The following PDGFC variants were observed in gnomAD, a reference collection of about 807,000 sequenced individuals.
PDGFC encodes platelet derived growth factor C, also known as platelet-derived growth factor C.
Under a neutral mutation model 35.5 loss-of-function variants are expected in PDGFC, and 12 were observed. That is an observed-to-expected ratio of 0.34 (90% CI 0.22 to 0.55). The LOEUF is 0.55. Ranked by LOEUF, PDGFC falls within the 20% of genes least tolerant of loss-of-function variation. The probability of loss-of-function intolerance (pLI) is 0.91; values close to 1 mark genes in which losing one functional copy is unlikely to be tolerated. For synonymous variants in PDGFC, 159 were observed against 148.8 expected, an observed-to-expected ratio of 1.07 and a Z score of -0.50; for missense variants, 322 against 412.4, an observed-to-expected ratio of 0.78 and a Z score of 1.90.
intron 2 of PDGFC, among the ~76,000 whole-genome samples, chr4:156,849,779 G>A (rs991953910): frequency 3.9e-5 from 6 of 152,016 alleles, no homozygotes; most frequent in African/African-American, 9.7e-5. Context: ...ATGTATCCAG[G>A]TAATATGTAC....
At chr4:156,895,488 C>T (rs781622670) in intron 1 of PDGFC, among the ~76,000 whole-genome samples, 3 of 151,612 alleles carry the variant, frequency 2.0e-5, no homozygotes, top group Non-Finnish European at 2.9e-5. Context: ...AAAAATTAGC[C>T]GGGTGTTGTG....
At chr4:156,780,816 C>T (rs1730958103) in intron 3 of PDGFC, among the ~76,000 whole-genome samples, 1 of 152,118 alleles carries the variant, frequency 6.6e-6, no homozygotes, top group Admixed American at 6.5e-5. Flanking sequence ...GCAATGACCC[C>T]CCCACATGGC....
At chr4:156,836,446 G>A (rs1405157154) in intron 2 of PDGFC, among the ~76,000 whole-genome samples, 1 of 152,044 alleles carries the variant, frequency 6.6e-6, no homozygotes, top group Non-Finnish European at 1.5e-5. Flanking sequence ...CTTTCTCCTT[G>A]ATTTCTAAGA....
At position 156,825,581 on chromosome 4, in the gene PDGFC, TAATAATAATAATAAGAAGAAG is replaced by T. The variant is rs1297376910; in HGVS notation, c.315-14585_315-14565del. ...ATAATAATAATAATAATAATAATAA[TAATAATAATAATAAGAAGAAG>T]AAGAAGAAGAAGAAGAAGAAGAAGA... On this transcript the variant is annotated intron_variant, in intron 2 of 5. Coordinates refer to ENST00000502773, the MANE Select transcript of PDGFC (RefSeq NM_016205.3). 3.2e-4 allele frequency among the ~76,000 whole-genome samples: 30 copies of T among 92,608 alleles called. No individual in the cohort carries two copies. The South Asian group carries it at 4.1e-3, about 13-fold the overall frequency. 60.8% of individuals were successfully genotyped at this position (92,608 alleles called of 152,430 possible).
chr4:156,868,284 T>C (rs1454256254), intron 1 of PDGFC, among the ~76,000 whole-genome samples: 1 of 152,210 alleles, frequency 6.6e-6, no homozygotes, highest in Non-Finnish European at 1.5e-5. Context: ...AAACTTCAAA[T>C]GAAATATTTA....
intron 2 of PDGFC, among the ~76,000 whole-genome samples, chr4:156,815,912 T>A (rs1240582781): frequency 6.6e-6 from 1 of 152,164 alleles, no homozygotes; most frequent in African/African-American, 2.4e-5. Context: ...GATCACTCCC[T>A]TTCTCTAACA....
At chr4:156,767,046 A>C (rs546936238) in intron 5 of PDGFC, among the ~76,000 whole-genome samples, 55 of 152,180 alleles carry the variant, frequency 3.6e-4, no homozygotes, top group African/African-American at 1.3e-3. Flanking sequence ...GTTTTGTAGA[A>C]ATTCAAGTTG....
chr4:156,777,619 A>G (rs537898559), intron 3 of PDGFC, among the ~76,000 whole-genome samples: 2 of 152,326 alleles, frequency 1.3e-5, no homozygotes, highest in Non-Finnish European at 2.9e-5. Context: ...AATTTCTAGC[A>G]ACCAAAATTT....
chr4:156,861,483 T>C (rs570860916), intron 1 of PDGFC: 39 of 1,245,472 alleles, frequency 3.1e-5, no homozygotes, highest in Non-Finnish European at 3.8e-5. Flanking sequence ...TTGGATATAG[T>C]TCCTACCTGC....
At chr4:156,817,171 TATAAAC>T (rs1374711745) in intron 2 of PDGFC, among the ~76,000 whole-genome samples, 17 of 151,902 alleles carry the variant, frequency 1.1e-4, no homozygotes, top group Admixed American at 6.6e-5. Context: ...ACTACAAATA[TATAAAC>T]CATGAGGTCA....
intron 3 of PDGFC, among the ~76,000 whole-genome samples, chr4:156,796,787 G>A (rs1173327934): frequency 1.3e-5 from 2 of 152,038 alleles, no homozygotes; most frequent in African/African-American, 4.8e-5. Context: ...TTCGAGAAAT[G>A]ATGCATACTA....
At chr4:156,853,364 C>G (rs937250295) in intron 1 of PDGFC, among the ~76,000 whole-genome samples, 2 of 152,152 alleles carry the variant, frequency 1.3e-5, no homozygotes, top group Admixed American at 1.3e-4. Flanking sequence ...GGTTAAAGGA[C>G]AACCTGTTTA....
chr4:156,921,739 T>C (rs944599203), intron 1 of PDGFC, among the ~76,000 whole-genome samples: 25 of 152,164 alleles, frequency 1.6e-4, no homozygotes, highest in African/African-American at 6.0e-4. Context: ...ATCCCCTCCA[T>C]TGTATAAACG....
intron 2 of PDGFC, among the ~76,000 whole-genome samples, chr4:156,848,400 C>T (rs1729375550): frequency 6.6e-6 from 1 of 151,840 alleles, no homozygotes; most frequent in South Asian, 2.1e-4. Flanking sequence ...ACACTGAAAC[C>T]ATTGTCAGAA....
At chr4:156,892,089 G>A (rs746065008) in intron 1 of PDGFC, among the ~76,000 whole-genome samples, 4 of 152,070 alleles carry the variant, frequency 2.6e-5, no homozygotes, top group Admixed American at 6.5e-5. Flanking sequence ...TCCTGACTGG[G>A]TTCAAATGCT....
chr4:156,842,743 TTC>T (rs1729235266), intron 2 of PDGFC, among the ~76,000 whole-genome samples: 1 of 152,150 alleles, frequency 6.6e-6, no homozygotes, highest in Non-Finnish European at 1.5e-5. Flanking sequence ...TCAAATTATT[TTC>T]TCTATCTCCA....
intron 3 of PDGFC, among the ~76,000 whole-genome samples, chr4:156,785,753 A>AT (rs1041112489): frequency 7.5e-4 from 114 of 152,160 alleles, no homozygotes; most frequent in Middle Eastern, 3.4e-3. Context: ...AATAATGCAC[A>AT]TTTTTTTCCA....
chr4:156,880,002 C>A (rs900730580), intron 1 of PDGFC, among the ~76,000 whole-genome samples: 2 of 152,152 alleles, frequency 1.3e-5, no homozygotes, highest in Non-Finnish European at 2.9e-5. Flanking sequence ...TGGAAGCCAG[C>A]AGACGTTGGT....
At chr4:156,924,859 C>G (rs1036936167) in intron 1 of PDGFC, among the ~76,000 whole-genome samples, 3 of 152,150 alleles carry the variant, frequency 2.0e-5, no homozygotes, top group African/African-American at 7.2e-5. Flanking sequence ...TCTGGGCAAT[C>G]TTTTTGCTGC....
Sources: gnomAD v4.1 joint callset for allele counts (sites outside exome capture counted in the v4.1 genomes callset) on GRCh38, gnomAD v4.1.1 for gene constraint, MANE v1.5 for transcripts, NCBI Gene and HGNC (gene_info 2026-07-23, HGNC 2026-07-21) for gene names.